Variants in NCAM2 observed in about 807,000 individuals in gnomAD.
NCAM2 encodes neural cell adhesion molecule 2.
In NCAM2, 30 loss-of-function variants were observed where a neutral mutation model predicts 98.1. That is an observed-to-expected ratio of 0.31 (90% CI 0.23 to 0.41). The LOEUF is 0.41. Ranked by LOEUF, NCAM2 falls within the 10% of genes least tolerant of loss-of-function variation. NCAM2 has a pLI of 1.00. For synonymous variants in NCAM2, 368 were observed against 342.4 expected (o/e 1.07, Z -0.83); for missense variants, 867 against 1,005.8 (o/e 0.86, Z 1.87).
At chr21:21,359,691 TTTC>T in intron 8 of NCAM2, among the ~76,000 whole-genome samples, 1 of 151,926 alleles carries the variant, frequency 6.6e-6, no homozygotes, top group East Asian at 1.9e-4. Flanking sequence ...CATATATTAT[TTTC>T]TTCTTATAAA....
intron 1 of NCAM2, among the ~76,000 whole-genome samples, chr21:21,007,605 A>C (rs1227648543): frequency 3.3e-5 from 5 of 152,130 alleles, no homozygotes; most frequent in Non-Finnish European, 7.4e-5. Flanking sequence ...AACTTCCACA[A>C]GTTTCCATGA....
intron 15 of NCAM2, among the ~76,000 whole-genome samples, chr21:21,488,519 G>GATA (rs749056197): frequency 7.2e-5 from 11 of 151,922 alleles, no homozygotes; most frequent in Non-Finnish European, 1.3e-4. Context: ...TATTTACCCT[G>GATA]ATAATGGAGA....
chr21:21,131,226 A>G (rs1030609149), intron 1 of NCAM2, among the ~76,000 whole-genome samples: 3 of 150,728 alleles, frequency 2.0e-5, no homozygotes, highest in Non-Finnish European at 3.0e-5. Flanking sequence ...TTCAATAACC[A>G]TATCTACAAC....
chr21:21,410,561 T>A, intron 10 of NCAM2, 100 bp downstream of exon 10: 1 of 589,958 alleles, frequency 1.7e-6, no homozygotes, highest in Non-Finnish European at 2.6e-6. Context: ...ATATATATAA[T>A]AAGAGAGAGA....
chr21:21,295,925 C>G (rs1360094208), intron 5 of NCAM2, among the ~76,000 whole-genome samples: 2 of 151,562 alleles, frequency 1.3e-5, no homozygotes, highest in African/African-American at 4.8e-5. Context: ...CCTTGGTGTC[C>G]CTTTTCACTT....
At chr21:21,097,527 T>A (rs573909591) in intron 1 of NCAM2, among the ~76,000 whole-genome samples, 1 of 151,808 alleles carries the variant, frequency 6.6e-6, no homozygotes, top group Admixed American at 6.6e-5. Context: ...ATATGCTTAC[T>A]ATTTTAAATA....
chr21:21,276,779 T>C (rs2072744473), intron 1 of NCAM2, among the ~76,000 whole-genome samples: 2 of 152,078 alleles, frequency 1.3e-5, no homozygotes, highest in Admixed American at 1.3e-4. Flanking sequence ...TAGAGAATTA[T>C]ATTTTCTTTA....
intron 12 of NCAM2, 72 bp downstream of exon 12, chr21:21,432,353 TC>T (rs1211604326): frequency 1.4e-6 from 2 of 1,389,172 alleles, no homozygotes; most frequent in East Asian, 2.4e-5. Context: ...ATTGGCTTTT[TC>T]GGTTTCCTCC....
intron 12 of NCAM2, among the ~76,000 whole-genome samples, chr21:21,440,796 A>G (rs1979143506): frequency 6.6e-6 from 1 of 152,176 alleles, no homozygotes; most frequent in African/African-American, 2.4e-5. Flanking sequence ...AGTTCATATC[A>G]TTTTTACCTG....
At chr21:21,026,539 C>T (rs868542694) in intron 1 of NCAM2, among the ~76,000 whole-genome samples, 4 of 151,704 alleles carry the variant, frequency 2.6e-5, no homozygotes, top group African/African-American at 7.3e-5. Flanking sequence ...GCAGGAGAAT[C>T]GCTTGAACTC....
rs535299946 is a variant in NCAM2, at chr21:21,371,635, C to G, written c.1045-2228C>G. Among the ~76,000 whole-genome samples, 8 of 151,894 alleles carry G rather than the reference C, an allele frequency of 5.3e-5. No homozygotes were observed. In the East Asian group the frequency reaches 1.2e-3, roughly 22 times the overall value. On this transcript the variant is annotated intron_variant, in intron 8 of 17. Coordinates refer to ENST00000400546, the MANE Select transcript of NCAM2 (RefSeq NM_004540.5). ...CACCCTTCTTTCACTATTTACAGAT[C>G]ACAATCCACACTTTGGTTTGTCAGG...
At chr21:21,494,104 T>C (rs1211205335) in intron 15 of NCAM2, among the ~76,000 whole-genome samples, 1 of 151,900 alleles carries the variant, frequency 6.6e-6, no homozygotes, top group Non-Finnish European at 1.5e-5. Context: ...AGAAAAATAA[T>C]AATACGTATC....
At position 21,449,312 on chromosome 21, in the gene NCAM2, G is replaced by C. The variant is rs1160989170; in HGVS notation, c.1654+17031G>C. Among the ~76,000 whole-genome samples, 4 of 151,550 alleles carry C rather than the reference G, an allele frequency of 2.6e-5. No individual in the cohort carries two copies. The Admixed American group carries it at 2.6e-4, about 10-fold the overall frequency. ...AAACAAATATGAATATTTCATGAGT[G>C]TTTTATAGGAGTTTAATCCACGGGA... On this transcript the variant is annotated intron_variant, in intron 12 of 17. Coordinates refer to ENST00000400546, the MANE Select transcript of NCAM2 (RefSeq NM_004540.5).
chr21:21,098,577 C>T (rs1390728099), intron 1 of NCAM2, among the ~76,000 whole-genome samples: 2 of 151,774 alleles, frequency 1.3e-5, no homozygotes, highest in African/African-American at 4.8e-5. Context: ...TTCACATCTT[C>T]TCTATTAGGG....
intron 1 of NCAM2, among the ~76,000 whole-genome samples, chr21:21,025,318 C>T (rs1353291551): frequency 6.6e-6 from 1 of 152,138 alleles, no homozygotes; most frequent in Non-Finnish European, 1.5e-5. Flanking sequence ...ATCTCCTGAC[C>T]TCGTGGCCTG....
intron 9 of NCAM2, among the ~76,000 whole-genome samples, chr21:21,398,077 C>T (rs1166855768): frequency 1.3e-5 from 2 of 152,176 alleles, no homozygotes; most frequent in African/African-American, 4.8e-5. Flanking sequence ...GAATACTATT[C>T]AGCCATATGA....
chr21:21,410,392 A>G lies in NCAM2; in HGVS notation c.1314A>G (p.Lys438=). ...CATCAATTCACTGGAGAAGAGATAAATTAGTCTTACCTGCTAAAAACACGA... is the reference window on the plus strand; with the variant it reads ...CATCAATTCACTGGAGAAGAGATAAGTTAGTCTTACCTGCTAAAAACACGA... ...PPASIHWRRD[K]LVLPAKNTTN... is the part of the protein sequence containing the mutation. The change falls in exon 10 of 18, where the codon AAA becomes AAG. Residue 438 remains lysine (K), a synonymous_variant. Coordinates refer to ENST00000400546, the MANE Select transcript of NCAM2 (RefSeq NM_004540.5). The G allele has an allele frequency of 3.7e-6, 6 of 1,602,308 alleles. No individual in the cohort carries two copies. Among genetic ancestry groups the G allele is most frequent in the Non-Finnish European group, 5.1e-6 (6 of 1,173,418 alleles).
chr21:21,382,222 A>T (rs2076168119), intron 9 of NCAM2, among the ~76,000 whole-genome samples: 1 of 151,984 alleles, frequency 6.6e-6, no homozygotes, highest in African/African-American at 2.4e-5. Flanking sequence ...GAATGTGGGG[A>T]TTTATATTTG....
intron 1 of NCAM2, among the ~76,000 whole-genome samples, chr21:21,161,994 ACT>A (rs552949887): frequency 2.6e-5 from 4 of 151,926 alleles, no homozygotes; most frequent in African/African-American, 9.7e-5. Flanking sequence ...TTTCTTATTC[ACT>A]CTCTGCATTA....
Sources: allele counts gnomAD v4.1 joint callset (sites outside exome capture counted in the v4.1 genomes callset), GRCh38; gene constraint gnomAD v4.1.1; transcripts MANE v1.5; gene names NCBI Gene and HGNC (gene_info 2026-07-23, HGNC 2026-07-21).